RAB3B: variants seen among roughly 807,000 people sequenced by gnomAD.
RAB3B encodes ras-related protein Rab-3B.
In RAB3B, 11 loss-of-function variants were observed where a neutral mutation model predicts 20.5. The ratio of observed to expected loss-of-function variants is 0.54; its 90% CI spans 0.34 to 0.89. The LOEUF is 0.89. Ranked by LOEUF, RAB3B falls within the 40% of genes least tolerant of loss-of-function variation. RAB3B has a pLI of 0.02. For missense variants in RAB3B, 225 were observed against 280.9 expected, an observed-to-expected ratio of 0.80 and a Z score of 1.42; for synonymous variants, 99 against 106.3, an observed-to-expected ratio of 0.93 and a Z score of 0.42.
At chr1:51,944,178 A>G (rs1027108038) in intron 2 of RAB3B, among the ~76,000 whole-genome samples, 5 of 152,210 alleles carry the variant, frequency 3.3e-5, no homozygotes, top group African/African-American at 1.2e-4. Flanking sequence ...ACTATGCTAA[A>G]TCTACCCTGC....
intron 1 of RAB3B, among the ~76,000 whole-genome samples, chr1:51,986,189 C>T (rs1350346878): frequency 1.4e-5 from 2 of 144,886 alleles, no homozygotes; most frequent in African/African-American, 5.2e-5. Context: ...CTCACTCTGT[C>T]GCCCAGGCTG....
At chr1:51,923,081 T>C (rs1051785245) in intron 4 of RAB3B, among the ~76,000 whole-genome samples, 1 of 152,208 alleles carries the variant, frequency 6.6e-6, no homozygotes, top group Non-Finnish European at 1.5e-5. Flanking sequence ...CAATTATAGT[T>C]GTAGAAAAGA....
chr1:51,935,371 C>T (rs138488149), intron 3 of RAB3B, among the ~76,000 whole-genome samples: 326 of 152,296 alleles, frequency 2.1e-3, no homozygotes, highest in Non-Finnish European at 3.4e-3. Context: ...GGCACTGGGG[C>T]TTGGATGGCA....
intron 2 of RAB3B, among the ~76,000 whole-genome samples, chr1:51,964,557 C>T (rs780407118): frequency 4.6e-5 from 7 of 152,144 alleles, no homozygotes; most frequent in African/African-American, 7.2e-5. Flanking sequence ...GGTTATCTAA[C>T]GGGTATCTCC....
intron 2 of RAB3B, among the ~76,000 whole-genome samples, chr1:51,951,647 A>ACAAAAAAT (rs1428523831): frequency 6.6e-6 from 1 of 152,096 alleles, no homozygotes; most frequent in Non-Finnish European, 1.5e-5. Context: ...CTGTGTTTCT[A>ACAAAAAAT]CAAAAAATCA....
intron 2 of RAB3B, among the ~76,000 whole-genome samples, chr1:51,946,628 C>T (rs959617960): frequency 2.0e-5 from 3 of 152,218 alleles, no homozygotes; most frequent in Non-Finnish European, 4.4e-5. Context: ...GTGTGGCAGA[C>T]AGACATGTGG....
At chr1:51,957,506 G>A (rs1684723542) in intron 2 of RAB3B, among the ~76,000 whole-genome samples, 1 of 152,176 alleles carries the variant, frequency 6.6e-6, no homozygotes, top group Non-Finnish European at 1.5e-5. Flanking sequence ...ATGTGACCTT[G>A]GACCAGTTGC....
At chr1:51,958,984 C>T (rs1684749472) in intron 2 of RAB3B, among the ~76,000 whole-genome samples, 1 of 152,230 alleles carries the variant, frequency 6.6e-6, no homozygotes, top group Non-Finnish European at 1.5e-5. Context: ...ATTGGCAAGG[C>T]CCTGTGCCTG....
intron 2 of RAB3B, among the ~76,000 whole-genome samples, chr1:51,976,250 C>T (rs1488572692): frequency 1.3e-5 from 2 of 152,036 alleles, no homozygotes; most frequent in Non-Finnish European, 2.9e-5. Context: ...ACTGCAGCCT[C>T]GACCTCCTGG....
In RAB3B at chr1:51,908,388, C is replaced by G. The variant is rs1443582391; in HGVS notation, c.*11539G>C. On this transcript the variant is annotated 3_prime_UTR_variant, in exon 5 of 5. Coordinates refer to ENST00000371655, the MANE Select transcript of RAB3B (RefSeq NM_002867.4). ...GTACATCTCCTAGGTTGGCATGAGACCAGCCTGGTCCCCAGTTGAATAAAT... is the reference window on the plus strand; with the variant it reads ...GTACATCTCCTAGGTTGGCATGAGAGCAGCCTGGTCCCCAGTTGAATAAAT... 3 of 152,044 alleles carry G rather than the reference C, an allele frequency of 2.0e-5. No individual in the cohort carries two copies. The highest frequency in any genetic ancestry group is 4.4e-5 in the Non-Finnish European group (3 of 68,008). 9.4% of individuals were successfully genotyped at this position (152,044 alleles called of 1,614,324 possible).
At chr1:51,934,620 A>G (rs998848998) in intron 3 of RAB3B, among the ~76,000 whole-genome samples, 1 of 151,918 alleles carries the variant, frequency 6.6e-6, no homozygotes, top group Non-Finnish European at 1.5e-5. Flanking sequence ...AAATTAAAAA[A>G]AAAAAATTAG....
chr1:51,972,267 C>G (rs958357694), intron 2 of RAB3B, among the ~76,000 whole-genome samples: 1 of 152,190 alleles, frequency 6.6e-6, no homozygotes, highest in Non-Finnish European at 1.5e-5. Context: ...CCCCAGGTAA[C>G]TGAAATCTTG....
Position 51,979,525 on chromosome 1 carries a change from C to T in RAB3B, c.1-2408G>A, listed in dbSNP as rs186217680. Among the ~76,000 whole-genome samples, 990 of 151,708 alleles carry T rather than the reference C, an allele frequency of 6.5e-3. 7 individuals carry two copies. The highest frequency in any genetic ancestry group is 9.4e-3 in the Non-Finnish European group (639 of 67,940). On this transcript the variant is annotated intron_variant, in intron 1 of 4. Coordinates refer to ENST00000371655, the MANE Select transcript of RAB3B (RefSeq NM_002867.4). ...ACCTCAGGTGATCCACCTGCCTCAGCCTCCCAAAGTGCTAGGATTACAGGC... is the reference window on the plus strand; with the variant it reads ...ACCTCAGGTGATCCACCTGCCTCAGTCTCCCAAAGTGCTAGGATTACAGGC...
intron 2 of RAB3B, among the ~76,000 whole-genome samples, chr1:51,939,894 T>C (rs971196810): frequency 6.6e-5 from 10 of 152,174 alleles, no homozygotes; most frequent in South Asian, 4.1e-4. Context: ...GACTTCTGAT[T>C]CCATGTCTAA....
intron 2 of RAB3B, among the ~76,000 whole-genome samples, chr1:51,971,428 T>A (rs952597853): frequency 6.6e-6 from 1 of 151,580 alleles, no homozygotes; most frequent in African/African-American, 2.4e-5. Context: ...CTTTTTCTTT[T>A]TTCTTTTCTT....
At chr1:51,970,646 T>G (rs1422381284) in intron 2 of RAB3B, among the ~76,000 whole-genome samples, 1 of 152,048 alleles carries the variant, frequency 6.6e-6, no homozygotes, top group African/African-American at 2.4e-5. Context: ...ACTGAACACT[T>G]CATACTGTGC....
At chr1:51,921,017 C>G (rs557063592) in intron 4 of RAB3B, among the ~76,000 whole-genome samples, 17 of 152,158 alleles carry the variant, frequency 1.1e-4, no homozygotes, top group Admixed American at 9.2e-4. Flanking sequence ...AGACCCTTAG[C>G]GTCACTTTCT....
At chr1:51,955,150 A>T (rs1218468388) in intron 2 of RAB3B, among the ~76,000 whole-genome samples, 6 of 152,180 alleles carry the variant, frequency 3.9e-5, no homozygotes, top group Admixed American at 1.3e-4. Flanking sequence ...TTGTCATCTC[A>T]TGAGTTCCAG....
intron 2 of RAB3B, among the ~76,000 whole-genome samples, chr1:51,971,436 C>CT (rs57994059): frequency 0.026 from 3,656 of 141,674 alleles, 74 homozygotes; most frequent in African/African-American, 0.055. Context: ...TTTTTCTTTT[C>CT]TTTTTTTTTT....
Sources: allele counts gnomAD v4.1 joint callset (sites outside exome capture counted in the v4.1 genomes callset), GRCh38; gene constraint gnomAD v4.1.1; transcripts MANE v1.5; gene names NCBI Gene and HGNC (gene_info 2026-07-23, HGNC 2026-07-21).